Variants in RBFOX1 observed in about 807,000 individuals in gnomAD.
RBFOX1 encodes the protein RNA binding protein fox-1 homolog 1.
In RBFOX1, 8 loss-of-function variants were observed where a neutral mutation model predicts 57.7. The ratio of observed to expected loss-of-function variants is 0.14; its 90% CI spans 0.08 to 0.25. RBFOX1 has a LOEUF of 0.25. Among genes scored for constraint, RBFOX1 ranks in the 10% least tolerant of loss-of-function variants. The pLI is 1.00. For synonymous variants in RBFOX1, 326 were observed against 222.4 expected (o/e 1.47, Z -4.15); for missense variants, 611 against 548.5 (o/e 1.11, Z -1.14).
intron 3 of RBFOX1, among the ~76,000 whole-genome samples, chr16:6,749,513 C>A (rs994537719): frequency 6.6e-6 from 1 of 152,142 alleles, no homozygotes; most frequent in East Asian, 1.9e-4. Flanking sequence ...TACTGAGGTT[C>A]TGGGGATTTG....
chr16:5,722,058 GA>G (rs1480620310), intron 3 of RBFOX1, among the ~76,000 whole-genome samples: 9 of 152,332 alleles, frequency 5.9e-5, no homozygotes, highest in Non-Finnish European at 1.3e-4. Context: ...TCATAAATCC[GA>G]AGTATTGAAC....
chr16:7,575,905 T>C (rs895227036), intron 5 of RBFOX1, among the ~76,000 whole-genome samples: 2 of 152,088 alleles, frequency 1.3e-5, no homozygotes, highest in Non-Finnish European at 2.9e-5. Flanking sequence ...TCCTTCCCAC[T>C]ATCCTGTGAG....
chr16:7,496,226 C>G (rs574470039), intron 4 of RBFOX1, among the ~76,000 whole-genome samples: 1 of 152,186 alleles, frequency 6.6e-6, no homozygotes, highest in East Asian at 1.9e-4. Flanking sequence ...TCACTGCAAC[C>G]TCCATCTCCC....
intron 5 of RBFOX1, among the ~76,000 whole-genome samples, chr16:7,548,026 G>A (rs1261367611): frequency 6.6e-6 from 1 of 152,180 alleles, no homozygotes; most frequent in Non-Finnish European, 1.5e-5. Context: ...GCTGTAAAGA[G>A]GACACTCTGT....
chr16:7,159,798 G>A (rs1345471619), intron 4 of RBFOX1, among the ~76,000 whole-genome samples: 2 of 152,094 alleles, frequency 1.3e-5, no homozygotes, highest in East Asian at 1.9e-4. Context: ...AAGAGCCAAC[G>A]CATACATCCC....
chr16:6,701,909 G>A (rs774764210), intron 3 of RBFOX1, among the ~76,000 whole-genome samples: 29 of 151,974 alleles, frequency 1.9e-4, no homozygotes, highest in Non-Finnish European at 3.4e-4. Context: ...GAGTACACAC[G>A]GACACAAAGG....
chr16:5,465,088 G>A (rs2068911746), intron 1 of RBFOX1, among the ~76,000 whole-genome samples: 1 of 152,184 alleles, frequency 6.6e-6, no homozygotes, highest in Non-Finnish European at 1.5e-5. Flanking sequence ...TGTTTGCTCA[G>A]GCTGCCGTAA....
intron 2 of RBFOX1, among the ~76,000 whole-genome samples, chr16:6,535,960 T>C (rs949952935): frequency 3.9e-5 from 6 of 152,222 alleles, no homozygotes; most frequent in African/African-American, 1.4e-4. Context: ...CTAAGATGCC[T>C]CTTTAGTTTC....
chr16:6,697,366 T>C (rs539940268), intron 3 of RBFOX1, among the ~76,000 whole-genome samples: 1 of 152,204 alleles, frequency 6.6e-6, no homozygotes, highest in South Asian at 2.1e-4. Flanking sequence ...CAGGGATCCT[T>C]TGGGTGCAAG....
intron 2 of RBFOX1, among the ~76,000 whole-genome samples, chr16:6,560,537 A>C (rs896303127): frequency 6.6e-6 from 1 of 152,180 alleles, no homozygotes; most frequent in African/African-American, 2.4e-5. Flanking sequence ...GGCCAGAGGG[A>C]GTGGAGCGGA....
intron 4 of RBFOX1, among the ~76,000 whole-genome samples, chr16:7,258,176 G>T (rs1004944615): frequency 6.6e-6 from 1 of 152,158 alleles, no homozygotes; most frequent in African/African-American, 2.4e-5. Flanking sequence ...AGAGCTTTAG[G>T]TATGGTTAAC....
At chr16:5,605,649 A>AAGTCTGCCT (rs964200715) in intron 3 of RBFOX1, among the ~76,000 whole-genome samples, 1 of 151,382 alleles carries the variant, frequency 6.6e-6, no homozygotes, top group Non-Finnish European at 1.5e-5. Context: ...ATTGATGAGT[A>AAGTCTGCCT]AGTCTGCCTT....
At chr16:7,707,264 C>G (rs1435208490) in intron 14 of RBFOX1, among the ~76,000 whole-genome samples, 1 of 152,150 alleles carries the variant, frequency 6.6e-6, no homozygotes, top group Non-Finnish European at 1.5e-5. Flanking sequence ...TAGGGTCTAA[C>G]TTGGAGTCTG....
In RBFOX1 at chr16:6,114,690, A is replaced by G. The variant is rs78657077; in HGVS notation, c.-127+94698A>G. ...TTGGCACCAAACCCCTTTGAAATGT[A>G]TGTTAGAATGTATTAAGGTTTAGGA... On this transcript the variant is annotated intron_variant, in intron 1 of 15. Coordinates refer to ENST00000550418, the MANE Select transcript of RBFOX1 (RefSeq NM_018723.4). Among the ~76,000 whole-genome samples the G allele has an allele frequency of 7.8e-4, 119 of 152,266 alleles. 1 individual carries two copies. The East Asian group carries it at 0.022, about 28-fold the overall frequency.
chr16:6,069,959 C>T (rs928433917), intron 1 of RBFOX1, among the ~76,000 whole-genome samples: 1 of 152,156 alleles, frequency 6.6e-6, no homozygotes, highest in Non-Finnish European at 1.5e-5. Context: ...TGCACTCCAG[C>T]CTGGGTGACA....
intron 3 of RBFOX1, among the ~76,000 whole-genome samples, chr16:6,980,538 G>A (rs985717752): frequency 6.6e-6 from 1 of 152,152 alleles, no homozygotes; most frequent in African/African-American, 2.4e-5. Flanking sequence ...TGTTTTCCAA[G>A]CTAACATTTG....
chr16:6,735,751 T>G (rs1485044140), intron 3 of RBFOX1, among the ~76,000 whole-genome samples: 1 of 152,178 alleles, frequency 6.6e-6, no homozygotes, highest in Non-Finnish European at 1.5e-5. Context: ...TCTACCATGA[T>G]AGTTCCCAAG....
chr16:7,199,623 G>A (rs1054286152), intron 4 of RBFOX1, among the ~76,000 whole-genome samples: 1 of 152,224 alleles, frequency 6.6e-6, no homozygotes, highest in South Asian at 2.1e-4. Flanking sequence ...GGGCAGTGCA[G>A]TAGCTCACGC....
intron 2 of RBFOX1, among the ~76,000 whole-genome samples, chr16:5,581,358 T>G (rs928642294): frequency 6.6e-6 from 1 of 152,238 alleles, no homozygotes; most frequent in Non-Finnish European, 1.5e-5. Flanking sequence ...ATTTGTGTAA[T>G]TAAACACTCT....
Sources: gnomAD v4.1 joint callset for allele counts (sites outside exome capture counted in the v4.1 genomes callset) on GRCh38, gnomAD v4.1.1 for gene constraint, MANE v1.5 for transcripts, NCBI Gene and HGNC (gene_info 2026-07-23, HGNC 2026-07-21) for gene names.